Variants in FAF1 observed in about 807,000 individuals in gnomAD.
The protein encoded by FAF1 is Fas associated factor 1, also known as FAS-associated factor 1.
A neutral mutation model predicts 92.5 loss-of-function variants in FAF1; 25 were observed. The ratio of observed to expected loss-of-function variants is 0.27; its 90% confidence interval spans 0.20 to 0.38. FAF1 has a LOEUF of 0.38. Among genes scored for constraint, FAF1 ranks in the 10% least tolerant of loss-of-function variants. FAF1 has a pLI of 1.00. For missense variants in FAF1, 636 were observed against 793.3 expected, an observed-to-expected ratio of 0.80 and a Z score of 2.38; for synonymous variants, 234 against 273.2, an observed-to-expected ratio of 0.86 and a Z score of 1.42.
At chr1:50,936,148 G>C (rs191060155) in intron 1 of FAF1, among the ~76,000 whole-genome samples, 72 of 152,274 alleles carry the variant, frequency 4.7e-4, no homozygotes, top group African/African-American at 1.7e-3. Context: ...TATTCAGTGA[G>C]AACGTACTAT....
intron 15 of FAF1, 74 bp downstream of exon 15, chr1:50,535,295 T>C: frequency 1.0e-6 from 1 of 954,332 alleles, no homozygotes; most frequent in Non-Finnish European, 1.7e-6. Flanking sequence ...ATCATAGGCA[T>C]GTATCATCAT....
intron 1 of FAF1, among the ~76,000 whole-genome samples, chr1:50,955,178 T>C (rs955559277): frequency 6.6e-6 from 1 of 152,004 alleles, no homozygotes; most frequent in Non-Finnish European, 1.5e-5. Flanking sequence ...TACTTCAGCC[T>C]AAAAAAAAGT....
chr1:50,690,290 A>T (rs1656862804), intron 7 of FAF1, among the ~76,000 whole-genome samples: 1 of 152,068 alleles, frequency 6.6e-6, no homozygotes, highest in East Asian at 1.9e-4. Flanking sequence ...CCGGCAAATT[A>T]CATTATATTT....
intron 8 of FAF1, among the ~76,000 whole-genome samples, chr1:50,639,933 C>CAAAAA (rs1197342810): frequency 7.1e-5 from 5 of 70,164 alleles, no homozygotes; most frequent in African/African-American, 9.4e-5. Context: ...GACTCGATCT[C>CAAAAA]AAAAAAAAAA....
chr1:50,862,406 G>C (rs1267742134), intron 1 of FAF1, among the ~76,000 whole-genome samples: 1 of 151,934 alleles, frequency 6.6e-6, no homozygotes, highest in Non-Finnish European at 1.5e-5. Context: ...AGAGCAAAAT[G>C]ATGGTAACGA....
At chr1:50,822,777 T>TCTTTC (rs1449366856) in intron 2 of FAF1, among the ~76,000 whole-genome samples, 5 of 144,886 alleles carry the variant, frequency 3.5e-5, no homozygotes, top group African/African-American at 1.3e-4. Context: ...TTTCTTTCTT[T>TCTTTC]TTTTTTTTTT....
At chr1:50,458,043 A>ATCTCTACTAACACGGTAAAACCCCG (rs1429358832) in intron 18 of FAF1, among the ~76,000 whole-genome samples, 5 of 151,440 alleles carry the variant, frequency 3.3e-5, no homozygotes, top group Admixed American at 6.6e-5. Flanking sequence ...GAGAAACCCC[A>ATCTCTACTAACACGGTAAAACCCCG]TCTCTACTAA....
At chr1:50,560,692 T>C (rs1467773425) in intron 13 of FAF1, among the ~76,000 whole-genome samples, 1 of 152,248 alleles carries the variant, frequency 6.6e-6, no homozygotes, top group Non-Finnish European at 1.5e-5. Flanking sequence ...GATTACCCAG[T>C]TGGCACTATT....
At chr1:50,617,072 A>G (rs1652945738) in intron 8 of FAF1, among the ~76,000 whole-genome samples, 1 of 152,224 alleles carries the variant, frequency 6.6e-6, no homozygotes, top group Non-Finnish European at 1.5e-5. Flanking sequence ...TAGGTATAGA[A>G]TCATATCATC....
At chr1:50,908,216 A>C (rs1644855602) in intron 1 of FAF1, among the ~76,000 whole-genome samples, 2 of 152,162 alleles carry the variant, frequency 1.3e-5, no homozygotes, top group Admixed American at 1.3e-4. Context: ...TTCTAGTTTG[A>C]TTGCACTGTG....
chr1:50,472,366 C>CAT, intron 18 of FAF1, among the ~76,000 whole-genome samples: 1 of 94,742 alleles, frequency 1.1e-5, no homozygotes, highest in African/African-American at 4.3e-5. Flanking sequence ...TTGGGGAAAA[C>CAT]ATACACACAC....
chr1:50,659,187 TGAA>T (rs756529506), intron 7 of FAF1, among the ~76,000 whole-genome samples: 2 of 149,828 alleles, frequency 1.3e-5, no homozygotes, highest in Non-Finnish European at 3.0e-5. Flanking sequence ...ATGGATCAGA[TGAA>T]GGACACAGTT....
chr1:50,602,418 T>C lies in FAF1; in HGVS notation c.745-6202A>G, dbSNP rs1011034977. On this transcript the variant is annotated intron_variant, in intron 8 of 18. Coordinates refer to ENST00000396153, the MANE Select transcript of FAF1 (RefSeq NM_007051.3). ...TCCAACTGTACACTTAAAAAATGTA[T>C]GGTTTATTACAGGTCAATTATACTT... Among the ~76,000 whole-genome samples, 6 of 152,262 alleles carry C rather than the reference T, an allele frequency of 3.9e-5. No homozygotes were observed. In the East Asian group the frequency reaches 5.8e-4, roughly 15 times the overall value.
At chr1:50,545,919 T>A (rs1209542583) in intron 13 of FAF1, among the ~76,000 whole-genome samples, 1 of 152,188 alleles carries the variant, frequency 6.6e-6, no homozygotes, top group Non-Finnish European at 1.5e-5. Flanking sequence ...TCCCAGCACT[T>A]TGGGAGGCCA....
chr1:50,521,621 C>T (rs946981548), intron 15 of FAF1, among the ~76,000 whole-genome samples: 6 of 152,118 alleles, frequency 3.9e-5, no homozygotes, highest in African/African-American at 1.4e-4. Context: ...TATTTCATAA[C>T]TAGAAAATTA....
chr1:50,922,458 C>CAAAAAAAAAAAA (rs33971185), intron 1 of FAF1, among the ~76,000 whole-genome samples: 11 of 37,264 alleles, frequency 3.0e-4, no homozygotes, highest in Admixed American at 1.0e-3. Flanking sequence ...GACTCTGCCT[C>CAAAAAAAAAAAA]AAAAAAAAAA....
At chr1:50,663,415 ATTT>A (rs1188471030) in intron 7 of FAF1, among the ~76,000 whole-genome samples, 2 of 135,894 alleles carry the variant, frequency 1.5e-5, no homozygotes, top group Non-Finnish European at 3.2e-5. Context: ...TTTAATTTCA[ATTT>A]TTTTTTTTTT....
intron 7 of FAF1, among the ~76,000 whole-genome samples, chr1:50,701,476 C>A (rs1657471528): frequency 6.6e-6 from 1 of 152,016 alleles, no homozygotes; most frequent in Non-Finnish European, 1.5e-5. Context: ...CAACCCACTA[C>A]TAGAACATCA....
chr1:50,929,090 G>A (rs963961529), intron 1 of FAF1, among the ~76,000 whole-genome samples: 212 of 23,924 alleles, frequency 8.9e-3, no homozygotes, highest in Middle Eastern at 0.031. Flanking sequence ...AAAAAAAAAA[G>A]AAAGAAAAGA....
Sources: allele counts gnomAD v4.1 joint callset (sites outside exome capture counted in the v4.1 genomes callset), GRCh38; gene constraint gnomAD v4.1.1; transcripts MANE v1.5; gene names NCBI Gene and HGNC (gene_info 2026-07-23, HGNC 2026-07-21).